The following ALG1L2 variants were observed in gnomAD, a reference collection of about 807,000 sequenced individuals.
ALG1L2 encodes the protein ALG1 chitobiosyldiphosphodolichol beta-mannosyltransferase like 2.
In ALG1L2, 32 loss-of-function variants were observed where a neutral mutation model predicts 29.0. The observed-to-expected ratio is 1.10, with a 90% CI of 0.83 to 1.48. The LOEUF is 1.48. Ranked by LOEUF, ALG1L2 falls within the 40% of genes most tolerant of loss-of-function variation. The pLI is 0.00. For synonymous variants in ALG1L2, 110 were observed against 109.5 expected (o/e 1.00, Z -0.03); for missense variants, 318 against 274.1 (o/e 1.16, Z -1.13).
intron 1 of ALG1L2, among the ~76,000 whole-genome samples, chr3:130,090,321 C>T (rs1357141600): frequency 3.3e-5 from 5 of 152,312 alleles, no homozygotes; most frequent in Non-Finnish European, 7.3e-5. Flanking sequence ...CACCAAGGCG[C>T]TCCAGCCTGG....
intron 7 of ALG1L2, among the ~76,000 whole-genome samples, 161 bp from the exon 8 acceptor site, chr3:130,098,062 A>C (rs1273123557): frequency 6.6e-6 from 1 of 150,424 alleles, no homozygotes; most frequent in African/African-American, 2.5e-5. Flanking sequence ...AAAGCATGTC[A>C]AGATGGAGGC....
intron 5 of ALG1L2, among the ~76,000 whole-genome samples, chr3:130,095,575 T>C (rs1478754887): frequency 6.6e-6 from 1 of 151,874 alleles, no homozygotes; most frequent in Admixed American, 6.6e-5. Context: ...TAGCGGGGAT[T>C]ACAGGCACCT....
rs1402618433 is a variant in ALG1L2, at chr3:130,082,520, TAG to T, written c.20+489_20+490del. ...GCCTGGCTAATTTTTGTATTTTTAGTAGAGAGTGGGTTTCACCATATTGGCCA... is the reference window on the plus strand; with the variant it reads ...GCCTGGCTAATTTTTGTATTTTTAGTAGAGTGGGTTTCACCATATTGGCCA... On this transcript the variant is annotated intron_variant, in intron 1 of 7. Transcript: ENST00000425059. 6.1e-5 allele frequency among the ~76,000 whole-genome samples: 8 copies of T among 131,116 alleles called. 1 individual carries two copies. Among genetic ancestry groups the T allele is most frequent in the Non-Finnish European group, 1.1e-4 (6 of 56,458 alleles). 86.0% of individuals were successfully genotyped at this position (131,116 alleles called of 152,430 possible).
rs79454653 is a variant in ALG1L2, at chr3:130,085,329, C to G, written c.20+3293C>G. Among the ~76,000 whole-genome samples, 87 of 72,058 alleles carry G rather than the reference C, an allele frequency of 1.2e-3. 2 individuals carry two copies. The highest frequency in any genetic ancestry group is 8.6e-3 in the Middle Eastern group (1 of 116). The allele number at this position is 72,058 out of a possible 152,430, so 47.3% of individuals were successfully genotyped here. On this transcript the variant is annotated intron_variant, in intron 1 of 7. Coordinates refer to ENST00000425059, the MANE Select transcript of ALG1L2 (RefSeq NM_001136152.1). Reference sequence around the variant, plus strand: ...CCAGGTTGGTCTTGAACCTTGGCCTCAAGTGATCCTCCTGCCTCAGCCTCC... The same window carrying G: ...CCAGGTTGGTCTTGAACCTTGGCCTGAAGTGATCCTCCTGCCTCAGCCTCC...
In ALG1L2 at chr3:130,097,267, C is replaced by A. The variant is rs763681158; in HGVS notation, c.615+17C>A. The A allele has an allele frequency of 8.7e-6, 14 of 1,604,834 alleles. No individual in the cohort carries two copies. The African/African-American group carries it at 1.7e-4, about 20-fold the overall frequency. On this transcript the variant is annotated intron_variant, in intron 7 of 7. Transcript: ENST00000425059. ...CAGCTGCAGGTAGCCATGTCTGCCA[C>A]CACGCCAGGGTGGACAGGGTTCTGG...
At chr3:130,088,142 C>T (rs908636202) in intron 1 of ALG1L2, among the ~76,000 whole-genome samples, 12 of 152,324 alleles carry the variant, frequency 7.9e-5, no homozygotes, top group South Asian at 4.2e-4. Flanking sequence ...AGATGGGAGA[C>T]GTTGCGTCAG....
chr3:130,093,982 C>T (rs555169124), intron 4 of ALG1L2: 7 of 249,082 alleles, frequency 2.8e-5, no homozygotes, highest in Non-Finnish European at 4.8e-5. Context: ...TTGGAACCCG[C>T]GCCATGTGCT....
chr3:130,091,826 G>A, intron 2 of ALG1L2: 1 of 668,626 alleles, frequency 1.5e-6, no homozygotes, highest in Non-Finnish European at 2.7e-6. Flanking sequence ...GGGCGTCCTA[G>A]CACCCTCATC....
At chr3:130,096,443 GA>G (rs71158167) in intron 6 of ALG1L2, among the ~76,000 whole-genome samples, 95,688 of 149,372 alleles carry the variant, frequency 0.64, 31,413 homozygotes, top group Middle Eastern at 0.79. Context: ...AACCCAGTAT[GA>G]AAAAAAAAAA....
At chr3:130,091,437 C>A in intron 2 of ALG1L2, 66 bp downstream of exon 2, 4 of 1,494,740 alleles carry the variant, frequency 2.7e-6, no homozygotes, top group African/African-American at 1.4e-5. Flanking sequence ...CCCCTTCTCA[C>A]TGCAGACCTG....
At chr3:130,089,076 T>C in intron 1 of ALG1L2, among the ~76,000 whole-genome samples, 1 of 85,588 alleles carries the variant, frequency 1.2e-5, no homozygotes, top group Non-Finnish European at 2.9e-5. Flanking sequence ...ATTGTGTGGG[T>C]GACTCCTTGC....
rs77688785 is a variant in ALG1L2, at chr3:130,085,395, G to A, written c.20+3359G>A. ...ACAGGCATGAGTCACTGTGCCTGGC[G>A]TATTTTATTTATAATCTTTTTAATA... On this transcript the variant is annotated intron_variant, in intron 1 of 7. Transcript: ENST00000425059. Among the ~76,000 whole-genome samples the A allele has an allele frequency of 3.7e-4, 27 of 72,088 alleles. 1 individual carries two copies. In the East Asian group the frequency reaches 0.01, roughly 27 times the overall value. The allele number at this position is 72,088 out of a possible 152,430, so 47.3% of individuals were successfully genotyped here. A position where few individuals can be genotyped will look rare whatever the true frequency, so the allele number is the denominator to read the frequency against.
chr3:130,096,166 A>G lies in ALG1L2; in HGVS notation c.539+3A>G, dbSNP rs778277673. ...GCGTGTGCCGTGAACTTCAAGTGGT[A>G]GGAGCAGAACCCGAATTTTTTCTGG... is the stretch of plus-strand genomic sequence containing the variant. On this transcript the variant is annotated splice_donor_region_variant and intron_variant, in intron 6 of 7. Transcript: ENST00000425059. 1 of 1,611,792 alleles carries G rather than the reference A, an allele frequency of 6.2e-7. No homozygotes were observed.
chr3:130,094,466 A>C lies in ALG1L2; in HGVS notation c.377A>C (p.Gln126Pro), dbSNP rs774010785. ...CACCAGAAGCATTTCCAGCACATCCAGGTCTGCATCCCCTGGCTGGAGGGC... is the reference window on the plus strand; with the variant it reads ...CACCAGAAGCATTTCCAGCACATCCCGGTCTGCATCCCCTGGCTGGAGGGC... Reference protein sequence around the residue: ...LIHQKHFQHIQVCIPWLEGRG... With the variant: ...LIHQKHFQHIPVCIPWLEGRG... The change falls in exon 5 of 8, where the codon CAG becomes CCG. Residue 126 changes from glutamine (Q) to proline (P), a missense_variant. By Grantham distance (76) the Gln-to-Pro change is moderately conservative. Transcript: ENST00000425059. 6.3e-6 allele frequency: 10 copies of C among 1,594,428 alleles called. No homozygotes were observed. The highest frequency in any genetic ancestry group is 7.6e-6 in the Non-Finnish European group (9 of 1,179,204).
intron 6 of ALG1L2, 24 bp from the exon 7 acceptor site, chr3:130,097,151 G>A (rs372306140): frequency 8.6e-5 from 138 of 1,611,444 alleles, no homozygotes; most frequent in African/African-American, 1.6e-4. Flanking sequence ...GGAAACTCTC[G>A]GGCTCCTTTT....
intron 1 of ALG1L2, among the ~76,000 whole-genome samples, chr3:130,090,112 T>C: frequency 6.6e-6 from 1 of 152,252 alleles, no homozygotes; most frequent in African/African-American, 2.4e-5. Flanking sequence ...TCTCAGCATT[T>C]TGGGCGGCCG....
At chr3:130,092,044 T>C in intron 2 of ALG1L2, 57 bp from the exon 3 acceptor site, 2 of 1,600,224 alleles carry the variant, frequency 1.2e-6, no homozygotes, top group Non-Finnish European at 1.7e-6. Context: ...GAGATGCCCG[T>C]TCTGGGTCCT....
At chr3:130,085,125 A>T (rs1273247607) in intron 1 of ALG1L2, among the ~76,000 whole-genome samples, 1 of 126,650 alleles carries the variant, frequency 7.9e-6, no homozygotes, top group Non-Finnish European at 1.8e-5. Flanking sequence ...TGCCCAACTA[A>T]TTTTTTTGTA....
In ALG1L2 at chr3:130,081,904, G is replaced by C; in HGVS notation, c.-113G>C. 2 of 1,348,182 alleles carry C rather than the reference G, an allele frequency of 1.5e-6. No homozygotes were observed. Among genetic ancestry groups the C allele is most frequent in the Admixed American group, 2.1e-5 (1 of 48,734 alleles). 83.5% of individuals were successfully genotyped at this position (1,348,182 alleles called of 1,614,324 possible). ...GCAGAGACAGGTGTGCAAAGGCTCA[G>C]AGGGAGCTTCTCCAGGATCAGCAGA... On this transcript the variant is annotated 5_prime_UTR_variant, in exon 1 of 8. Coordinates refer to ENST00000425059, the MANE Select transcript of ALG1L2 (RefSeq NM_001136152.1).
Sources: gnomAD v4.1 joint callset for allele counts (sites outside exome capture counted in the v4.1 genomes callset) on GRCh38, gnomAD v4.1.1 for gene constraint, MANE v1.5 for transcripts, NCBI Gene and HGNC (gene_info 2026-07-23, HGNC 2026-07-21) for gene names.